ADAM22: variants seen among roughly 807,000 people sequenced by gnomAD.
ADAM22 encodes the protein disintegrin and metalloproteinase domain-containing protein 22.
ADAM22 carries 65 observed loss-of-function variants against 144.6 expected under a neutral mutation model. That is an observed-to-expected ratio of 0.45 (90% CI 0.37 to 0.55). The LOEUF (loss-of-function observed/expected upper bound fraction) is 0.55, where lower values mean the gene tolerates loss of function less well. Ranked by LOEUF, ADAM22 falls within the 20% of genes least tolerant of loss-of-function variation. The pLI is 0.00. For synonymous variants in ADAM22, 391 were observed against 412.6 expected, an observed-to-expected ratio of 0.95 and a Z score of 0.63; for missense variants, 974 against 1,184.9, an observed-to-expected ratio of 0.82 and a Z score of 2.61.
intron 3 of ADAM22, among the ~76,000 whole-genome samples, chr7:88,030,459 TGG>T (rs1304061559): frequency 6.6e-6 from 1 of 152,160 alleles, no homozygotes; most frequent in Non-Finnish European, 1.5e-5. Context: ...TATCTCTCTC[TGG>T]GATAAGTCCC....
At chr7:88,111,919 T>TA (rs958706574) in intron 5 of ADAM22, among the ~76,000 whole-genome samples, 3 of 152,116 alleles carry the variant, frequency 2.0e-5, no homozygotes, top group Non-Finnish European at 2.9e-5. Context: ...TTAAGTCCAA[T>TA]AAAAAAATGA....
intron 17 of ADAM22, 73 bp from the exon 18 acceptor site, chr7:88,148,904 G>T: frequency 1.7e-6 from 2 of 1,154,768 alleles, no homozygotes; most frequent in African/African-American, 1.6e-5. Context: ...TTTTCATTTT[G>T]TTTTTTTTAG....
At chr7:87,973,995 A>T (rs1330717470) in intron 2 of ADAM22, among the ~76,000 whole-genome samples, 1 of 151,964 alleles carries the variant, frequency 6.6e-6, no homozygotes. Context: ...CTAAATGACG[A>T]GTTAATGGGT....
At chr7:88,193,274 C>A in intron 31 of ADAM22, 35 bp downstream of exon 31, 1 of 1,602,150 alleles carries the variant, frequency 6.2e-7, no homozygotes, top group South Asian at 1.1e-5. Flanking sequence ...CGTACATGCT[C>A]AGTCATTATC....
chr7:88,142,929 T>A (rs1835227288), intron 14 of ADAM22, 97 bp from the exon 15 acceptor site: 2 of 685,616 alleles, frequency 2.9e-6, no homozygotes, highest in Admixed American at 4.7e-5. Context: ...TCCCTCATTT[T>A]AAAGAGTAAT....
chr7:88,054,801 G>T (rs989150960), intron 3 of ADAM22, among the ~76,000 whole-genome samples: 1 of 152,058 alleles, frequency 6.6e-6, no homozygotes, highest in African/African-American at 2.4e-5. Flanking sequence ...TATGTTTTTG[G>T]ATAAGATAAC....
intron 2 of ADAM22, among the ~76,000 whole-genome samples, chr7:87,968,727 G>T (rs2129446754): frequency 6.6e-6 from 1 of 152,176 alleles, no homozygotes; most frequent in Non-Finnish European, 1.5e-5. Context: ...ATCTCTAAGG[G>T]GGAAAAAGAA....
chr7:88,078,649 T>C (rs1012798525), intron 4 of ADAM22, among the ~76,000 whole-genome samples: 19 of 152,266 alleles, frequency 1.2e-4, no homozygotes, highest in African/African-American at 4.6e-4. Context: ...GAGAAGTCCT[T>C]AAAGGACCTG....
At chr7:88,189,375 GAA>G (rs1291719931) in intron 30 of ADAM22, among the ~76,000 whole-genome samples, 1 of 152,176 alleles carries the variant, frequency 6.6e-6, no homozygotes, top group Non-Finnish European at 1.5e-5. Flanking sequence ...TGGTGACTCT[GAA>G]AAGAAACGAA....
chr7:88,122,366 T>C (rs1829497678), intron 7 of ADAM22, among the ~76,000 whole-genome samples: 2 of 152,176 alleles, frequency 1.3e-5, no homozygotes, highest in African/African-American at 4.8e-5. Flanking sequence ...TTCCATTGGT[T>C]GGAAGCAAGT....
chr7:88,013,726 A>G (rs965342647), intron 3 of ADAM22, among the ~76,000 whole-genome samples: 2 of 152,164 alleles, frequency 1.3e-5, no homozygotes, highest in African/African-American at 4.8e-5. Flanking sequence ...ATGCCTGGCC[A>G]TTTCTTGAAC....
chr7:88,107,094 T>C (rs1259772009), intron 4 of ADAM22, among the ~76,000 whole-genome samples: 1 of 152,096 alleles, frequency 6.6e-6, no homozygotes, highest in African/African-American at 2.4e-5. Flanking sequence ...AAAACAAGCA[T>C]TTCCTCCATC....
At chr7:88,054,214 A>G (rs1807507141) in intron 3 of ADAM22, among the ~76,000 whole-genome samples, 1 of 152,196 alleles carries the variant, frequency 6.6e-6, no homozygotes, top group Non-Finnish European at 1.5e-5. Flanking sequence ...GATTATATCT[A>G]TAGGATAAAT....
At chr7:88,058,505 C>T (rs905497513) in intron 3 of ADAM22, among the ~76,000 whole-genome samples, 9 of 152,178 alleles carry the variant, frequency 5.9e-5, no homozygotes, top group Non-Finnish European at 1.3e-4. Context: ...AACAGAATTA[C>T]AGACTTTTTA....
chr7:88,016,407 G>A (rs1585034929), intron 3 of ADAM22, among the ~76,000 whole-genome samples: 3 of 152,272 alleles, frequency 2.0e-5, no homozygotes, highest in South Asian at 4.1e-4. Flanking sequence ...TGAAATCTGA[G>A]TCCTAGATGT....
At chr7:88,149,126 C>T in intron 18 of ADAM22, 69 bp downstream of exon 18, 1 of 1,046,498 alleles carries the variant, frequency 9.6e-7, no homozygotes, top group Non-Finnish European at 1.5e-6. Flanking sequence ...CACTGACCCT[C>T]AAAGAGAAAT....
chr7:88,078,187 A>G (rs1047667358), intron 4 of ADAM22, among the ~76,000 whole-genome samples: 6 of 152,162 alleles, frequency 3.9e-5, no homozygotes, highest in African/African-American at 7.2e-5. Context: ...AGCATTTGCA[A>G]TTCCCCAATA....
At chr7:88,128,289 T>A (rs993498780) in intron 8 of ADAM22, among the ~76,000 whole-genome samples, 1 of 152,118 alleles carries the variant, frequency 6.6e-6, no homozygotes, top group African/African-American at 2.4e-5. Flanking sequence ...TTTAGTTTTA[T>A]GTGCAGAAGT....
At chr7:87,995,620 G>A (rs1637508) in intron 3 of ADAM22, among the ~76,000 whole-genome samples, 88,085 of 152,012 alleles carry the variant, frequency 0.58, 26,274 homozygotes, top group African/African-American at 0.71. Flanking sequence ...ACCCAGACCT[G>A]CTGAATCAGA....
Sources: allele counts gnomAD v4.1 joint callset (sites outside exome capture counted in the v4.1 genomes callset), GRCh38; gene constraint gnomAD v4.1.1; transcripts MANE v1.5; gene names NCBI Gene and HGNC (gene_info 2026-07-23, HGNC 2026-07-21).